TWSG1: variants seen among roughly 807,000 people sequenced by gnomAD.
TWSG1 encodes twisted gastrulation protein homolog 1.
In TWSG1, 15 loss-of-function variants were observed where a neutral mutation model predicts 23.0. That is an observed-to-expected ratio of 0.65 (90% CI 0.44 to 1.00). TWSG1 has a LOEUF of 1.00. Among genes scored for constraint, TWSG1 ranks in the 50% least tolerant of loss-of-function variants. The probability of loss-of-function intolerance (pLI) is 0.00; values close to 1 mark genes in which losing one functional copy is unlikely to be tolerated. For synonymous variants in TWSG1, 86 were observed against 92.8 expected (o/e 0.93, Z 0.42); for missense variants, 242 against 278.7 (o/e 0.87, Z 0.94).
chr18:9,351,648 G>GTT (rs2040502818), intron 2 of TWSG1, among the ~76,000 whole-genome samples: 1 of 97,408 alleles, frequency 1.0e-5, no homozygotes, highest in African/African-American at 3.9e-5. Flanking sequence ...TTGTCTTTTT[G>GTT]TTTTTTTGTT....
chr18:9,365,265 T>G (rs1249037128), intron 3 of TWSG1, among the ~76,000 whole-genome samples: 1 of 152,152 alleles, frequency 6.6e-6, no homozygotes, highest in Non-Finnish European at 1.5e-5. Flanking sequence ...AAGGCTGCAG[T>G]GAGCTCTGAT....
At chr18:9,350,014 C>T (rs1716004608) in intron 2 of TWSG1, among the ~76,000 whole-genome samples, 1 of 152,078 alleles carries the variant, frequency 6.6e-6, no homozygotes, top group African/African-American at 2.4e-5. Context: ...GTGGCGTGCA[C>T]CTGTAATCCC....
At chr18:9,352,842 T>C (rs186502349) in intron 2 of TWSG1, among the ~76,000 whole-genome samples, 137 of 152,332 alleles carry the variant, frequency 9.0e-4, no homozygotes, top group African/African-American at 3.2e-3. Flanking sequence ...AAGTCTAATC[T>C]TAATCTTGGA....
chr18:9,363,995 A>G (rs2040565543), intron 3 of TWSG1, among the ~76,000 whole-genome samples: 1 of 152,176 alleles, frequency 6.6e-6, no homozygotes, highest in Admixed American at 6.5e-5. Context: ...CTGATTGACT[A>G]AATGTTTTTT....
rs1292933875 is a variant in TWSG1 at position 9,399,708 on chromosome 18, A to G, written c.*181A>G. On this transcript the variant is annotated 3_prime_UTR_variant, in exon 5 of 5. Coordinates refer to ENST00000262120, the MANE Select transcript of TWSG1 (RefSeq NM_020648.6). ...TGTGTTTAATTATATAACTGTTCTT[A>G]CTGATTTTATTGCCCCCTAGCAATA... The G allele has an allele frequency of 3.7e-6, 2 of 533,372 alleles. No homozygotes were observed. Among genetic ancestry groups the G allele is most frequent in the African/African-American group, 3.9e-5 (2 of 50,834 alleles). The allele number at this position is 533,372 out of a possible 1,614,324, so 33.0% of individuals were successfully genotyped here. A position where few individuals can be genotyped will look rare whatever the true frequency, so the allele number is the denominator to read the frequency against.
intron 2 of TWSG1, among the ~76,000 whole-genome samples, chr18:9,359,123 G>T (rs1371326720): frequency 6.6e-6 from 1 of 151,936 alleles, no homozygotes; most frequent in East Asian, 1.9e-4. Flanking sequence ...GTTTCTGTGG[G>T]TTGACAGTTT....
intron 3 of TWSG1, among the ~76,000 whole-genome samples, chr18:9,393,603 G>T (rs1054415413): frequency 5.3e-5 from 8 of 152,016 alleles, no homozygotes; most frequent in African/African-American, 1.7e-4. Context: ...TGTCACCCAG[G>T]CTGGAGTGCA....
At chr18:9,391,060 G>A (rs1405871353) in intron 3 of TWSG1, among the ~76,000 whole-genome samples, 1 of 152,170 alleles carries the variant, frequency 6.6e-6, no homozygotes, top group East Asian at 1.9e-4. Context: ...ACCCTGCACT[G>A]CTTTAACAAC....
At chr18:9,339,610 G>A (rs1432369516) in intron 2 of TWSG1, among the ~76,000 whole-genome samples, 4 of 152,132 alleles carry the variant, frequency 2.6e-5, no homozygotes, top group Non-Finnish European at 5.9e-5. Context: ...GTGAGTCACC[G>A]TGCCTGGCCA....
chr18:9,335,422 A>C (rs185871555), intron 1 of TWSG1, among the ~76,000 whole-genome samples: 9 of 152,212 alleles, frequency 5.9e-5, no homozygotes, highest in African/African-American at 2.2e-4. Context: ...CTTTAATTCT[A>C]TTACCTGATT....
At chr18:9,342,980 A>G (rs1015351836) in intron 2 of TWSG1, among the ~76,000 whole-genome samples, 17 of 152,116 alleles carry the variant, frequency 1.1e-4, no homozygotes, top group African/African-American at 3.9e-4. Flanking sequence ...ATCTAATAGC[A>G]TTCCATATTG....
At chr18:9,348,960 G>T (rs1181111581) in intron 2 of TWSG1, among the ~76,000 whole-genome samples, 1 of 152,100 alleles carries the variant, frequency 6.6e-6, no homozygotes, top group African/African-American at 2.4e-5. Flanking sequence ...CAGCATGGTT[G>T]CAAAGCAGTA....
chr18:9,339,757 C>T (rs1248224958), intron 2 of TWSG1, among the ~76,000 whole-genome samples: 1 of 151,570 alleles, frequency 6.6e-6, no homozygotes, highest in African/African-American at 2.4e-5. Flanking sequence ...GAGCTGAGAT[C>T]GTGCGACTGC....
chr18:9,358,597 G>A (rs979823207), intron 2 of TWSG1, among the ~76,000 whole-genome samples: 2 of 152,048 alleles, frequency 1.3e-5, no homozygotes, highest in African/African-American at 2.4e-5. Flanking sequence ...TGGAGGAGGG[G>A]GGTCTTAAGG....
At chr18:9,387,610 C>CAA (rs11443705) in intron 3 of TWSG1, among the ~76,000 whole-genome samples, 1,642 of 149,538 alleles carry the variant, frequency 0.011, 41 homozygotes, top group African/African-American at 0.038. Flanking sequence ...ACTAAAAATA[C>CAA]AAAAAAAAAA....
chr18:9,339,050 T>C (rs1182776032), intron 2 of TWSG1, among the ~76,000 whole-genome samples: 1 of 151,794 alleles, frequency 6.6e-6, no homozygotes, highest in African/African-American at 2.4e-5. Context: ...AATAGTTTTT[T>C]TAAAATTAGC....
At chr18:9,350,851 A>G (rs1320641447) in intron 2 of TWSG1, among the ~76,000 whole-genome samples, 1 of 152,166 alleles carries the variant, frequency 6.6e-6, no homozygotes, top group Non-Finnish European at 1.5e-5. Context: ...AAAGAGTATT[A>G]TGGCAAAACA....
chr18:9,351,622 G>GTTTTTTTTTTTTTT (rs71168051), intron 2 of TWSG1, among the ~76,000 whole-genome samples: 1 of 116,608 alleles, frequency 8.6e-6, no homozygotes, highest in Non-Finnish European at 1.8e-5. Flanking sequence ...ACCATGCTGG[G>GTTTTTTTTTTTTTT]TTTTTTTTTT....
At chr18:9,351,395 A>G (rs1416894450) in intron 2 of TWSG1, among the ~76,000 whole-genome samples, 5 of 152,126 alleles carry the variant, frequency 3.3e-5, no homozygotes, top group East Asian at 1.9e-4. Flanking sequence ...TATGGTATAT[A>G]CAACTTTTGT....
Sources: gnomAD v4.1 joint callset for allele counts (sites outside exome capture counted in the v4.1 genomes callset) on GRCh38, gnomAD v4.1.1 for gene constraint, MANE v1.5 for transcripts, NCBI Gene and HGNC (gene_info 2026-07-23, HGNC 2026-07-21) for gene names.